The following ENGASE variants were observed in gnomAD, a reference collection of about 807,000 sequenced individuals.
The protein encoded by ENGASE is cytosolic endo-beta-N-acetylglucosaminidase.
ENGASE carries 69 observed loss-of-function variants against 78.5 expected under a neutral mutation model. The observed-to-expected ratio is 0.88, with a 90% CI of 0.72 to 1.07. The LOEUF (loss-of-function observed/expected upper bound fraction) is 1.07, where lower values mean the gene tolerates loss of function less well. Ranked by LOEUF, ENGASE falls within the 50% of genes least tolerant of loss-of-function variation. ENGASE has a pLI of 0.00. For missense variants in ENGASE, 943 were observed against 988.4 expected, an observed-to-expected ratio of 0.95 and a Z score of 0.62; for synonymous variants, 408 against 408.9, an observed-to-expected ratio of 1.00 and a Z score of 0.03.
chr17:79,086,112 C>T lies in ENGASE; in HGVS notation c.1995C>T (p.Cys665=). 1 of 1,613,722 alleles carries T rather than the reference C, an allele frequency of 6.2e-7. No homozygotes were observed. Among genetic ancestry groups the T allele is most frequent in the Non-Finnish European group, 8.5e-7 (1 of 1,180,040 alleles). ...AAGTCCGTTGCTTCCGAATCCACTG[C>T]TGGGGAGGGATGAGTGATGACTCTC... ...LSQVRCFRIH[C]WGGMSDDSPG... The change falls in exon 14 of 14, where the codon TGC becomes TGT. Residue 665 remains cysteine, a synonymous_variant. Transcript: ENST00000579016.
rs1214225754 is a variant in ENGASE, at chr17:79,082,884, C to T, written c.1039-136C>T. The T allele has an allele frequency of 2.5e-6, 4 of 1,574,786 alleles. No individual in the cohort carries two copies. In the Admixed American group the frequency reaches 6.8e-5, roughly 27 times the overall value. ...GATGCCCAGCAGCCTCCAGGTGCATCTAGGAGGGAGGGGTTGGACAGCTTC... is the reference window on the plus strand; with the variant it reads ...GATGCCCAGCAGCCTCCAGGTGCATTTAGGAGGGAGGGGTTGGACAGCTTC... On this transcript the variant is annotated intron_variant, in intron 7 of 13. Transcript: ENST00000579016.
rs116065330 is a variant in ENGASE, at chr17:79,084,792, G to C, written c.1591+106G>C. On this transcript the variant is annotated intron_variant, in intron 11 of 13. Coordinates refer to ENST00000579016, the MANE Select transcript of ENGASE (RefSeq NM_001042573.3). The stretch of plus-strand genomic sequence containing the variant: ...TGGGGAGGAGCTGGTGTGGACAGTG[G>C]GGGGGTACATCCTGCCTTTGCCGGA... 126 of 1,278,502 alleles carry C rather than the reference G, an allele frequency of 9.9e-5. No individual in the cohort carries two copies. The African/African-American group carries it at 1.2e-3, about 12-fold the overall frequency. 79.2% of individuals were successfully genotyped at this position (1,278,502 alleles called of 1,614,324 possible). A position where few individuals can be genotyped will look rare whatever the true frequency, so the allele number is the denominator to read the frequency against.
chr17:79,077,341 G>A, intron 1 of ENGASE, 89 bp from the exon 2 acceptor site: 1 of 1,106,530 alleles, frequency 9.0e-7, no homozygotes, highest in Non-Finnish European at 1.3e-6. Flanking sequence ...ATATCTCTCT[G>A]TGTTTAGATG....
intron 3 of ENGASE, among the ~76,000 whole-genome samples, chr17:79,078,647 C>G (rs1452954286): frequency 2.6e-5 from 4 of 152,184 alleles, no homozygotes; most frequent in Non-Finnish European, 5.9e-5. Flanking sequence ...CCAAAGTTGC[C>G]GTGGAGTCCG....
chr17:79,081,166 C>G, intron 6 of ENGASE, 93 bp downstream of exon 6: 2 of 1,362,076 alleles, frequency 1.5e-6, no homozygotes, highest in Non-Finnish European at 9.8e-7. Context: ...GGCGCAGTCT[C>G]CCTCATGGAG....
intron 1 of ENGASE, chr17:79,075,673 C>G (rs62063773): frequency 6.4e-5 from 63 of 985,304 alleles, no homozygotes; most frequent in Middle Eastern, 5.2e-4. Context: ...CGGTAAACTC[C>G]CCCTCAGTAG....
In ENGASE at chr17:79,086,442, A is replaced by G; in HGVS notation, c.*93A>G. 7.0e-7 allele frequency: 1 copy of G among 1,437,630 alleles called. No homozygotes were observed. Among genetic ancestry groups the G allele is most frequent in the Non-Finnish European group, 9.2e-7 (1 of 1,083,960 alleles). 89.1% of individuals were successfully genotyped at this position (1,437,630 alleles called of 1,614,324 possible). On this transcript the variant is annotated 3_prime_UTR_variant, in exon 14 of 14. Coordinates refer to ENST00000579016, the MANE Select transcript of ENGASE (RefSeq NM_001042573.3). Reference sequence around the variant, plus strand: ...CCTGCGCTGGACCTGCTAAGTGCCCACAGTGGCAGCGAGGTCCCGGTCCCG... The same window carrying G: ...CCTGCGCTGGACCTGCTAAGTGCCCGCAGTGGCAGCGAGGTCCCGGTCCCG...
chr17:79,082,843 G>A lies in ENGASE; in HGVS notation c.1039-177G>A, dbSNP rs776963687. On this transcript the variant is annotated intron_variant, in intron 7 of 13. Transcript: ENST00000579016. ...TCCCGCGCCCTCTTCTGGCGGGCTT[G>A]TGGAACGACGGGGGTGATGCCCAGC... is the stretch of plus-strand genomic sequence containing the variant. The A allele has an allele frequency of 1.9e-6, 3 of 1,542,826 alleles. 1 individual carries two copies. The highest frequency in any genetic ancestry group is 3.4e-4 in the Middle Eastern group (2 of 5,872).
In ENGASE at chr17:79,079,954, G is replaced by A. The variant is rs73398093; in HGVS notation, c.566-253G>A. Among the ~76,000 whole-genome samples the A allele has an allele frequency of 4.5e-3, 686 of 152,368 alleles. 9 individuals are homozygous for A. Among genetic ancestry groups the A allele is most frequent in the African/African-American group, 0.016 (649 of 41,588 alleles). On this transcript the variant is annotated intron_variant, in intron 4 of 13. Coordinates refer to ENST00000579016, the MANE Select transcript of ENGASE (RefSeq NM_001042573.3). ...TAGTGGGCATCGGCCCAAGGGCCAC[G>A]GTTTGCCGATTCCTGGGTCAGAACA... is the stretch of plus-strand genomic sequence containing the variant.
At position 79,075,073 on chromosome 17, in the gene ENGASE, G is replaced by T; in HGVS notation, c.129G>T (p.Arg43=). The T allele has an allele frequency of 1.7e-6, 2 of 1,207,492 alleles. No homozygotes were observed. The highest frequency in any genetic ancestry group is 2.1e-6 in the Non-Finnish European group (2 of 970,900). 74.8% of individuals were successfully genotyped at this position (1,207,492 alleles called of 1,614,324 possible). A position where few individuals can be genotyped will look rare whatever the true frequency, so the allele number is the denominator to read the frequency against. ...EQEDQEPRPR[R]RRPGRSIKDE... ...AGGATCAGGAGCCGCGGCCGCGGCGGCGGCGGCCGGGAAGGAGGTGGGGCT... is the reference window on the plus strand; with the variant it reads ...AGGATCAGGAGCCGCGGCCGCGGCGTCGGCGGCCGGGAAGGAGGTGGGGCT... The change falls in exon 1 of 14, where the codon CGG becomes CGT. Residue 43 remains arginine (R), a synonymous_variant. Coordinates refer to ENST00000579016, the MANE Select transcript of ENGASE (RefSeq NM_001042573.3).
At chr17:79,080,810 G>C in intron 5 of ENGASE, 115 bp from the exon 6 acceptor site, 1 of 1,412,890 alleles carries the variant, frequency 7.1e-7, no homozygotes, top group South Asian at 1.4e-5. Flanking sequence ...CAGAACTGCA[G>C]CTTCGCCTGT....
In ENGASE at chr17:79,086,351, C is replaced by A. The variant is rs147882294; in HGVS notation, c.*2C>A. The stretch of plus-strand genomic sequence containing the variant: ...CTGCTTTATTCAGCCCCTGCATGAG[C>A]GGATGCTAAGGCCGGGTGGTCTCCT... On this transcript the variant is annotated 3_prime_UTR_variant, in exon 14 of 14. Transcript: ENST00000579016. 2 of 1,606,828 alleles carry A rather than the reference C, an allele frequency of 1.2e-6. No homozygotes were observed. Among genetic ancestry groups the A allele is most frequent in the East Asian group, 2.2e-5 (1 of 44,728 alleles).
At chr17:79,080,595 C>G (rs1470640867) in intron 5 of ENGASE, among the ~76,000 whole-genome samples, 1 of 152,250 alleles carries the variant, frequency 6.6e-6, no homozygotes. Context: ...TCCCACGTTT[C>G]CCGCCCCTGC....
In ENGASE at chr17:79,083,434, C is replaced by T. The variant is rs776679883; in HGVS notation, c.1143-48C>T. 7 of 1,443,552 alleles carry T rather than the reference C, an allele frequency of 4.8e-6. No individual in the cohort carries two copies. In the African/African-American group the frequency reaches 9.9e-5, roughly 20 times the overall value. The allele number at this position is 1,443,552 out of a possible 1,614,324, so 89.4% of individuals were successfully genotyped here. ...AGCAAGTTTGAGGGACACTGAGAGGCTCCCTCCCTTCCTCCGGACCGAGCT... is the reference window on the plus strand; with the variant it reads ...AGCAAGTTTGAGGGACACTGAGAGGTTCCCTCCCTTCCTCCGGACCGAGCT... On this transcript the variant is annotated intron_variant, in intron 8 of 13. Transcript: ENST00000579016. The surrounding 1 kb of genome is among the most constrained non-coding windows in gnomAD (Gnocchi z 4.9).
chr17:79,081,756 TGGGGTGGG>T, intron 6 of ENGASE, 134 bp from the exon 7 acceptor site: 1 of 671,026 alleles, frequency 1.5e-6, no homozygotes, highest in Non-Finnish European at 2.1e-6. Flanking sequence ...CTGTGTGGGG[TGGGGTGGG>T]GTGGGGTGGG....
In ENGASE at chr17:79,083,610, C is replaced by A; in HGVS notation, c.1251+20C>A. The A allele has an allele frequency of 6.2e-7, 1 of 1,603,992 alleles. No individual in the cohort carries two copies. The highest frequency in any genetic ancestry group is 1.1e-5 in the South Asian group (1 of 90,788). Reference sequence around the variant, plus strand: ...GGCCAGGTGGGTGGGTGTCTTCCCTCCGTGTCTGTCCTCTGGCCTCAGCTG... The same window carrying A: ...GGCCAGGTGGGTGGGTGTCTTCCCTACGTGTCTGTCCTCTGGCCTCAGCTG... On this transcript the variant is annotated intron_variant, in intron 9 of 13. Transcript: ENST00000579016. This position sits in a 1 kb window ranked among gnomAD's most constrained non-coding sequence, Gnocchi z 4.9.
At chr17:79,079,237 C>G (rs1229925619) in intron 3 of ENGASE, among the ~76,000 whole-genome samples, 1 of 152,214 alleles carries the variant, frequency 6.6e-6, no homozygotes, top group Non-Finnish European at 1.5e-5. Context: ...AATCTGGGCT[C>G]TCTCCAGCCT....
chr17:79,082,852 C>G, intron 7 of ENGASE, 168 bp from the exon 8 acceptor site: 1 of 1,552,758 alleles, frequency 6.4e-7, no homozygotes, highest in Non-Finnish European at 8.7e-7. Flanking sequence ...TGTGGAACGA[C>G]GGGGGTGATG....
In ENGASE at chr17:79,077,439, T is replaced by TGAA. The variant is rs761572427; in HGVS notation, c.165_167dup (p.Glu56dup). The TGAA allele has an allele frequency of 6.3e-7, 1 of 1,592,262 alleles. No individual in the cohort carries two copies. ...CTCCCTCTTTGCTTAGCATCAAAGA[T>TGAA]GAAGAAGAAGAGACAGTCTTTCGAG... On this transcript the variant is annotated inframe_insertion, in exon 2 of 14. Coordinates refer to ENST00000579016, the MANE Select transcript of ENGASE (RefSeq NM_001042573.3).
Sources: gnomAD v4.1 joint callset for allele counts (sites outside exome capture counted in the v4.1 genomes callset) on GRCh38, gnomAD v4.1.1 for gene constraint, Gnocchi (gnomAD v3.1) non-coding constraint, MANE v1.5 for transcripts, NCBI Gene and HGNC (gene_info 2026-07-23, HGNC 2026-07-21) for gene names.